The following CALD1 variants were observed in gnomAD, a reference collection of about 807,000 sequenced individuals.
CALD1 encodes the protein caldesmon.
CALD1 carries 33 observed loss-of-function variants against 99.9 expected under a neutral mutation model. That is an observed-to-expected ratio of 0.33 (90% CI 0.25 to 0.44). The LOEUF is 0.44. CALD1 is among the 20% of genes least tolerant of loss of function. The pLI, the probability that CALD1 is intolerant of heterozygous loss-of-function variation, is 1.00. For synonymous variants in CALD1, 310 were observed against 325.0 expected (o/e 0.95, Z 0.50); for missense variants, 861 against 962.1 (o/e 0.89, Z 1.39).
rs1808192947 is a variant in CALD1, at chr7:134,960,623, C to A, written c.2290C>A (p.Pro764Thr). 1 of 1,602,100 alleles carries A rather than the reference C, an allele frequency of 6.2e-7. No individual in the cohort carries two copies. Among genetic ancestry groups the A allele is most frequent in the Non-Finnish European group, 8.6e-7 (1 of 1,168,992 alleles). Residue 764 changes from proline (P) to threonine (T), a missense_variant, in exon 13 of 15, where the codon CCT becomes ACT. Pro to Thr is a conservative substitution (Grantham distance 38). Around this residue, in one of 5 missense-constraint regions of CALD1, gnomAD observed 190 missense variants for 249.0 expected, o/e 0.76. Coordinates refer to ENST00000361675, the MANE Select transcript of CALD1 (RefSeq NM_033138.4). ...PDGNKSPAPK[P>T]SDLRPGDVSS... is the part of the protein sequence containing the mutation. The stretch of plus-strand genomic sequence containing the variant: ...TGGAAACAAGTCACCTGCTCCCAAA[C>A]CTTCTGTAAGTACCTTTAGGTTTTT...
chr7:134,734,308 A>C, the CALD1 span, among the ~76,000 whole-genome samples: 1 of 152,130 alleles, frequency 6.6e-6, no homozygotes, highest in Non-Finnish European at 1.5e-5. Flanking sequence ...GGTTTCTAGG[A>C]GTGCACTACT....
chr7:134,889,672 C>A (rs1309295772), intron 3 of CALD1, among the ~76,000 whole-genome samples: 1 of 152,162 alleles, frequency 6.6e-6, no homozygotes, highest in African/African-American at 2.4e-5. Context: ...TGTCTCAGTT[C>A]TAGAGCGAGA....
intron 11 of CALD1, 72 bp from the exon 12 acceptor site, chr7:134,959,902 A>G: frequency 6.7e-7 from 1 of 1,495,414 alleles, no homozygotes; most frequent in Non-Finnish European, 9.1e-7. Flanking sequence ...ATGTTGAGGA[A>G]GACAAACTCA....
chr7:134,887,903 T>C (rs1384724029), intron 3 of CALD1, among the ~76,000 whole-genome samples: 1 of 152,100 alleles, frequency 6.6e-6, no homozygotes, highest in African/African-American at 2.4e-5. Context: ...TGCATGTGTG[T>C]CATAAGCGCA....
chr7:134,712,624 A>G, the CALD1 span, among the ~76,000 whole-genome samples: 23 of 152,354 alleles, frequency 1.5e-4, no homozygotes, highest in African/African-American at 5.5e-4. Flanking sequence ...TCATCATTTT[A>G]CATTTGTTCA....
intron 1 of CALD1, among the ~76,000 whole-genome samples, chr7:134,760,900 T>C (rs767447524): frequency 1.3e-4 from 20 of 152,226 alleles, no homozygotes; most frequent in Middle Eastern, 3.2e-3. Flanking sequence ...GGAATTATTA[T>C]GTAGGTACCC....
the CALD1 span, among the ~76,000 whole-genome samples, chr7:134,720,184 CTT>C: frequency 6.2e-3 from 867 of 139,918 alleles, 8 homozygotes; most frequent in African/African-American, 0.021. Context: ...TAGCCCTCCT[CTT>C]TTTTTTTTTT....
At chr7:134,735,156 CTT>C in the CALD1 span, 1 of 152,900 alleles carries the variant, frequency 6.5e-6, no homozygotes, top group African/African-American at 2.4e-5. Context: ...ATCCAAGACT[CTT>C]TGTATCTGGA....
At chr7:134,956,953 G>A (rs1807820024) in intron 9 of CALD1, among the ~76,000 whole-genome samples, 1 of 151,944 alleles carries the variant, frequency 6.6e-6, no homozygotes, top group African/African-American at 2.4e-5. Flanking sequence ...AAAATATAAT[G>A]TTTGATTTAG....
chr7:134,758,504 GTGT>G (rs1562990155), intron 1 of CALD1, among the ~76,000 whole-genome samples: 15 of 73,162 alleles, frequency 2.1e-4, no homozygotes, highest in African/African-American at 6.2e-4. Context: ...CCATTGGGGT[GTGT>G]GTGTGTGTGT....
At chr7:134,711,722 G>GTC in the CALD1 span, among the ~76,000 whole-genome samples, 44 of 96,360 alleles carry the variant, frequency 4.6e-4, 1 homozygote, top group East Asian at 1.3e-3. Flanking sequence ...GTGTGTGTGT[G>GTC]TGTGTCTCTC....
the CALD1 span, among the ~76,000 whole-genome samples, chr7:134,711,676 A>ATGTG: frequency 5.0e-4 from 35 of 70,444 alleles, no homozygotes; most frequent in African/African-American, 1.4e-3. Flanking sequence ...ATATATATAT[A>ATGTG]TATATGTGTG....
chr7:134,801,682 C>T (rs1797947522), intron 1 of CALD1, among the ~76,000 whole-genome samples: 1 of 152,184 alleles, frequency 6.6e-6, no homozygotes, highest in Non-Finnish European at 1.5e-5. Flanking sequence ...TGCCGTAGCA[C>T]AGCCACGGCT....
In CALD1 at chr7:134,953,656, G is replaced by GTTT. The variant is rs779536183; in HGVS notation, c.1935+3152_1935+3154dup. Among the ~76,000 whole-genome samples the GTTT allele has an allele frequency of 6.4e-3, 756 of 117,862 alleles. 45 individuals are homozygous for GTTT. The highest frequency in any genetic ancestry group is 0.017 in the African/African-American group (519 of 31,436). The allele number at this position is 117,862 out of a possible 152,430, so 77.3% of individuals were successfully genotyped here. On this transcript the variant is annotated intron_variant, in intron 9 of 14. Transcript: ENST00000361675. ...ATCTAGACTTCCAAATTCTACTGTG[G>GTTT]TTTTTTTTTTTTGTTTTTTTTTTTC... is the stretch of plus-strand genomic sequence containing the variant.
chr7:134,870,424 C>T (rs1801013019), intron 3 of CALD1, among the ~76,000 whole-genome samples: 1 of 152,208 alleles, frequency 6.6e-6, no homozygotes, highest in Non-Finnish European at 1.5e-5. Flanking sequence ...AACCCAGTTT[C>T]TTCAGGTTCA....
chr7:134,805,398 T>A (rs752315797), intron 1 of CALD1, among the ~76,000 whole-genome samples: 1 of 152,212 alleles, frequency 6.6e-6, no homozygotes, highest in Non-Finnish European at 1.5e-5. Context: ...TATTTTTAAT[T>A]TCTAAGGGTT....
At chr7:134,892,069 G>A (rs143909283) in intron 3 of CALD1, among the ~76,000 whole-genome samples, 1 of 152,210 alleles carries the variant, frequency 6.6e-6, no homozygotes, top group Non-Finnish European at 1.5e-5. Flanking sequence ...AGAGATTTTG[G>A]CTAAAGCACA....
chr7:134,879,145 C>T (rs1801482293), intron 3 of CALD1, among the ~76,000 whole-genome samples: 1 of 152,174 alleles, frequency 6.6e-6, no homozygotes. Flanking sequence ...TTCAAGTCTT[C>T]CAAGGAAGTT....
chr7:134,882,942 A>C (rs1479772739), intron 3 of CALD1, among the ~76,000 whole-genome samples: 1 of 152,226 alleles, frequency 6.6e-6, no homozygotes, highest in African/African-American at 2.4e-5. Flanking sequence ...GAGCATTTTT[A>C]TAAATGGTTT....
Sources: gnomAD v4.1 joint callset for allele counts (sites outside exome capture counted in the v4.1 genomes callset) on GRCh38, gnomAD v4.1.1 for gene constraint, gnomAD v4.1.1 regional missense constraint, MANE v1.5 for transcripts, NCBI Gene and HGNC (gene_info 2026-07-23, HGNC 2026-07-21) for gene names.